TLN2: variants seen among roughly 807,000 people sequenced by gnomAD.
TLN2 encodes the protein talin-2.
TLN2 carries 118 observed loss-of-function variants against 294.7 expected under a neutral mutation model. That is an observed-to-expected ratio of 0.40 (90% CI 0.34 to 0.47). TLN2 has a LOEUF of 0.47. Ranked by LOEUF, TLN2 falls within the 20% of genes least tolerant of loss-of-function variation. TLN2 has a pLI of 0.84. For missense variants in TLN2, 3,083 were observed against 3,282.2 expected (o/e 0.94, Z 1.48); for synonymous variants, 1,431 against 1,304.5 (o/e 1.10, Z -2.09).
At position 62,843,658 on chromosome 15, in the gene TLN2, A is replaced by G. The variant is rs2070925853; in HGVS notation, c.*3048A>G. On this transcript the variant is annotated 3_prime_UTR_variant, in exon 59 of 59. Transcript: ENST00000636159. ...TGCTTGCTTTCTGGCTGTCTTAGTC[A>G]GTGTGTTTACAGGCAACTAAAGCCT... The G allele has an allele frequency of 6.6e-6, 1 of 152,262 alleles. No individual in the cohort carries two copies. The highest frequency in any genetic ancestry group is 6.5e-5 in the Admixed American group (1 of 15,282). The allele number at this position is 152,262 out of a possible 1,614,324, so 9.4% of individuals were successfully genotyped here. A position where few individuals can be genotyped will look rare whatever the true frequency, so the allele number is the denominator to read the frequency against.
At chr15:62,425,974 C>G (rs1294253053) in intron 1 of TLN2, among the ~76,000 whole-genome samples, 6 of 152,204 alleles carry the variant, frequency 3.9e-5, no homozygotes, top group African/African-American at 1.4e-4. Flanking sequence ...TCTTCAATTT[C>G]TAAGTCCCCT....
rs557579763 is a variant in TLN2, at chr15:62,536,368, C to T, written c.-237-53319C>T. On this transcript the variant is annotated intron_variant, in intron 1 of 58. Transcript: ENST00000636159. The stretch of plus-strand genomic sequence containing the variant: ...ACAGGTCACAGGTCTTGTCAATTCC[C>T]TCTTCCCTTCTCTCATCCGTAGGGG... 2.6e-5 allele frequency among the ~76,000 whole-genome samples: 4 copies of T among 152,262 alleles called. No individual in the cohort carries two copies. In the South Asian group the frequency reaches 8.3e-4, roughly 32 times the overall value.
intron 1 of TLN2, among the ~76,000 whole-genome samples, chr15:62,471,000 A>G (rs1005493057): frequency 6.6e-5 from 10 of 152,352 alleles, no homozygotes; most frequent in Non-Finnish European, 1.0e-4. Context: ...CTGACACAAC[A>G]TGATAAAACT....
chr15:62,395,642 G>A (rs1179458964), intron 1 of TLN2, among the ~76,000 whole-genome samples: 2 of 152,144 alleles, frequency 1.3e-5, no homozygotes, highest in Non-Finnish European at 2.9e-5. Flanking sequence ...GTGTAAGGGT[G>A]TCTGTTGTAG....
intron 11 of TLN2, among the ~76,000 whole-genome samples, chr15:62,682,491 A>C (rs545543046): frequency 6.6e-6 from 1 of 152,310 alleles, no homozygotes; most frequent in South Asian, 2.1e-4. Context: ...TTGGAAAAGA[A>C]AGACTTCAGT....
chr15:62,437,786 T>C (rs1351451378), intron 1 of TLN2, among the ~76,000 whole-genome samples: 2 of 152,148 alleles, frequency 1.3e-5, no homozygotes, highest in African/African-American at 4.8e-5. Flanking sequence ...TGTCTGTCTG[T>C]CTGCCAATTG....
At chr15:62,804,962 TATTGACTTACCATGGTGA>T (rs1387263780) in intron 50 of TLN2, among the ~76,000 whole-genome samples, 1 of 152,110 alleles carries the variant, frequency 6.6e-6, no homozygotes, top group African/African-American at 2.4e-5. Flanking sequence ...AGAAATGGGA[TATTGACTTACCATGGTGA>T]ATTTATTTCA....
intron 2 of TLN2, among the ~76,000 whole-genome samples, chr15:62,594,408 A>G (rs989781871): frequency 5.3e-5 from 8 of 152,034 alleles, no homozygotes; most frequent in East Asian, 1.9e-4. Flanking sequence ...GGGTCTCCCT[A>G]TGTTGCCCAG....
intron 16 of TLN2, 149 bp downstream of exon 16, chr15:62,699,016 C>T (rs976170180): frequency 1.4e-6 from 1 of 733,142 alleles, no homozygotes; most frequent in Non-Finnish European, 2.3e-6. Context: ...CTTTGCCTCT[C>T]AGTTGCACCC....
Position 62,844,208 on chromosome 15 carries a change from C to G in TLN2, c.*3598C>G, listed in dbSNP as rs2070984650. On this transcript the variant is annotated 3_prime_UTR_variant, in exon 59 of 59. Coordinates refer to ENST00000636159, the MANE Select transcript of TLN2 (RefSeq NM_015059.3). ...GAAGGCATCTTTCCCAAAGGTATCC[C>G]CAAGTACCATGTTGAAAATGTCCTC... The G allele has an allele frequency of 6.6e-6, 1 of 152,208 alleles. No homozygotes were observed. Among genetic ancestry groups the G allele is most frequent in the Non-Finnish European group, 1.5e-5 (1 of 68,166 alleles). The allele number at this position is 152,208 out of a possible 1,614,324, so 9.4% of individuals were successfully genotyped here.
chr15:62,667,193 C>T (rs1043201314), intron 9 of TLN2, among the ~76,000 whole-genome samples: 3 of 152,262 alleles, frequency 2.0e-5, no homozygotes, highest in East Asian at 3.9e-4. Context: ...GTCTCGATCT[C>T]CTGACCTAGT....
chr15:62,789,768 T>C (rs2064947292), intron 45 of TLN2, among the ~76,000 whole-genome samples: 1 of 152,248 alleles, frequency 6.6e-6, no homozygotes, highest in African/African-American at 2.4e-5. Context: ...CCTGGGTCTC[T>C]TCTAGCATCA....
chr15:62,683,825 C>T (rs769490155), intron 11 of TLN2, among the ~76,000 whole-genome samples: 1 of 152,058 alleles, frequency 6.6e-6, no homozygotes, highest in African/African-American at 2.4e-5. Context: ...AGGAGTGGTT[C>T]GGGGGTACTG....
intron 1 of TLN2, among the ~76,000 whole-genome samples, chr15:62,437,188 A>G (rs1241817626): frequency 6.6e-6 from 1 of 152,228 alleles, no homozygotes; most frequent in African/African-American, 2.4e-5. Context: ...AAATACCATC[A>G]AGGGCTCTTA....
chr15:62,413,101 T>G (rs1176518621), intron 1 of TLN2, among the ~76,000 whole-genome samples: 4 of 152,162 alleles, frequency 2.6e-5, no homozygotes, highest in Admixed American at 1.3e-4. Flanking sequence ...ATTGAAATCT[T>G]TGCAGGTAAA....
At chr15:62,707,352 A>T in intron 20 of TLN2, 99 bp downstream of exon 20, 1 of 1,374,646 alleles carries the variant, frequency 7.3e-7, no homozygotes, top group South Asian at 1.8e-5. Context: ...TTGTTTAAAT[A>T]GTCCGAGATT....
At chr15:62,673,072 T>TTGTGTGTGTGTGTGTGTGTG (rs60589441) in intron 9 of TLN2, among the ~76,000 whole-genome samples, 2,177 of 144,848 alleles carry the variant, frequency 0.015, 31 homozygotes, top group Middle Eastern at 0.049. Flanking sequence ...CCTAATTTAA[T>TTGTGTGTGTGTGTGTGTGTG]TGTGTGTGTG....
At chr15:62,839,116 A>G in intron 58 of TLN2, 135 bp downstream of exon 58, 1 of 1,268,184 alleles carries the variant, frequency 7.9e-7, no homozygotes, top group Non-Finnish European at 1.1e-6. Context: ...TGTTTCCTTC[A>G]TGTCTGAGAG....
intron 1 of TLN2, among the ~76,000 whole-genome samples, chr15:62,394,724 A>AGATAACAT (rs1353662988): frequency 6.6e-6 from 1 of 152,188 alleles, no homozygotes; most frequent in Non-Finnish European, 1.5e-5. Context: ...GAGGAGGGGA[A>AGATAACAT]GATAACATGC....
Sources: gnomAD v4.1 joint callset for allele counts (sites outside exome capture counted in the v4.1 genomes callset) on GRCh38, gnomAD v4.1.1 for gene constraint, MANE v1.5 for transcripts, NCBI Gene and HGNC (gene_info 2026-07-23, HGNC 2026-07-21) for gene names.